The following WDR47 variants were observed in gnomAD, a reference collection of about 807,000 sequenced individuals.
The protein encoded by WDR47 is WD repeat-containing protein 47.
In WDR47, 32 loss-of-function variants were observed where a neutral mutation model predicts 97.2. The observed-to-expected ratio is 0.33, with a 90% CI of 0.25 to 0.44. The LOEUF is 0.44. Ranked by LOEUF, WDR47 falls within the 20% of genes least tolerant of loss-of-function variation. The pLI is 1.00. For synonymous variants in WDR47, 375 were observed against 373.5 expected (o/e 1.00, Z -0.05); for missense variants, 782 against 1,102.3 (o/e 0.71, Z 4.11).
intron 5 of WDR47, among the ~76,000 whole-genome samples, chr1:109,010,605 C>CG (rs1660971033): frequency 8.4e-6 from 1 of 119,158 alleles, no homozygotes; most frequent in South Asian, 2.7e-4. Flanking sequence ...TTTTTTGAGT[C>CG]GGAGTCTCAC....
At chr1:109,016,360 C>T (rs542612097) in intron 3 of WDR47, among the ~76,000 whole-genome samples, 1 of 152,096 alleles carries the variant, frequency 6.6e-6, no homozygotes, top group African/African-American at 2.4e-5. Context: ...TGTGTTCACA[C>T]CACTGCACTC....
chr1:108,992,385 C>T, intron 8 of WDR47: 1 of 1,540,588 alleles, frequency 6.5e-7, no homozygotes, highest in Non-Finnish European at 9.0e-7. Flanking sequence ...ACTGCTCAGG[C>T]CATCAAGGGT....
intron 9 of WDR47, 175 bp from the exon 10 acceptor site, chr1:108,986,855 T>TA (rs1658869474): frequency 1.8e-6 from 1 of 545,882 alleles, no homozygotes; most frequent in African/African-American, 1.9e-5. Context: ...TAAATCTTAC[T>TA]AATATCCTTT....
chr1:109,005,100 T>A (rs1660496425), intron 5 of WDR47, among the ~76,000 whole-genome samples: 1 of 152,038 alleles, frequency 6.6e-6, no homozygotes, highest in South Asian at 2.1e-4. Flanking sequence ...CCAAGAAATT[T>A]TAATTTTAAA....
At chr1:109,041,272 T>C (rs557721910) in intron 1 of WDR47, among the ~76,000 whole-genome samples, 38 of 152,108 alleles carry the variant, frequency 2.5e-4, no homozygotes, top group Non-Finnish European at 5.0e-4. Flanking sequence ...GCAATCCCAG[T>C]TCTAAATCGA....
chr1:109,037,664 A>G (rs1663056420), intron 1 of WDR47, among the ~76,000 whole-genome samples: 1 of 151,796 alleles, frequency 6.6e-6, no homozygotes. Flanking sequence ...AATTCTATAA[A>G]ATTTTCTCAA....
intron 2 of WDR47, among the ~76,000 whole-genome samples, chr1:109,021,484 T>C (rs1661833460): frequency 7.0e-6 from 1 of 142,176 alleles, no homozygotes; most frequent in Admixed American, 7.5e-5. Context: ...GCTGAGATCA[T>C]GCCACTGCAC....
At chr1:109,009,866 CG>C (rs1377492294) in intron 5 of WDR47, among the ~76,000 whole-genome samples, 2 of 151,844 alleles carry the variant, frequency 1.3e-5, no homozygotes, top group Non-Finnish European at 2.9e-5. Context: ...GGCGTGGTGG[CG>C]GGTGTTTGCA....
chr1:108,992,946 T>C (rs1047272961), intron 8 of WDR47: 27 of 815,492 alleles, frequency 3.3e-5, no homozygotes, highest in Non-Finnish European at 5.0e-5. Context: ...AGAACTTAAG[T>C]TTCCAACTTA....
intron 4 of WDR47, among the ~76,000 whole-genome samples, chr1:109,012,002 G>T (rs1661063983): frequency 6.6e-6 from 1 of 152,028 alleles, no homozygotes; most frequent in Non-Finnish European, 1.5e-5. Context: ...GGAGTGCAGG[G>T]GTTATTCATA....
intron 13 of WDR47, among the ~76,000 whole-genome samples, chr1:108,975,211 T>C (rs1183854128): frequency 6.6e-6 from 1 of 152,166 alleles, no homozygotes; most frequent in African/African-American, 2.4e-5. Context: ...CAATAGGAAC[T>C]GTGAACAGAA....
intron 1 of WDR47, among the ~76,000 whole-genome samples, chr1:109,024,214 G>A (rs1662046694): frequency 6.6e-6 from 1 of 152,192 alleles, no homozygotes; most frequent in Non-Finnish European, 1.5e-5. Flanking sequence ...TACTTTGGGA[G>A]GCCAAAGTGG....
At chr1:108,999,053 C>A (rs937654650) in intron 7 of WDR47, among the ~76,000 whole-genome samples, 1 of 151,914 alleles carries the variant, frequency 6.6e-6, no homozygotes, top group Non-Finnish European at 1.5e-5. Flanking sequence ...TGGTGAAAGC[C>A]TGTCTCTACT....
intron 5 of WDR47, among the ~76,000 whole-genome samples, chr1:109,006,570 C>T (rs17566228): frequency 0.056 from 8,558 of 152,258 alleles, 269 homozygotes; most frequent in Non-Finnish European, 0.062. Flanking sequence ...GTATACAGAA[C>T]TTCCATATGC....
intron 8 of WDR47, among the ~76,000 whole-genome samples, chr1:108,994,148 AG>A (rs1255748306): frequency 3.3e-5 from 5 of 152,194 alleles, no homozygotes; most frequent in African/African-American, 9.7e-5. Flanking sequence ...CTGTAACTCC[AG>A]CACTTTGGGA....
At chr1:108,995,477 A>G (rs1659673902) in intron 8 of WDR47, 103 bp downstream of exon 8, 2 of 1,391,138 alleles carry the variant, frequency 1.4e-6, no homozygotes, top group Non-Finnish European at 2.0e-6. Flanking sequence ...GGTAGGCAGT[A>G]AGCTCTAAAA....
intron 5 of WDR47, among the ~76,000 whole-genome samples, chr1:109,008,666 G>T (rs1004445349): frequency 2.0e-5 from 3 of 152,112 alleles, no homozygotes; most frequent in Non-Finnish European, 2.9e-5. Flanking sequence ...GGAGTGCAGT[G>T]GTGCGATCTA....
chr1:109,042,101 G>A lies in WDR47; in HGVS notation c.-249C>T, dbSNP rs185080198. 1 of 152,058 alleles carries A rather than the reference G, an allele frequency of 6.6e-6. No individual in the cohort carries two copies. The highest frequency in any genetic ancestry group is 6.5e-5 in the Admixed American group (1 of 15,284). 9.4% of individuals were successfully genotyped at this position (152,058 alleles called of 1,614,324 possible). ...TCCTCAGCTCAGCCTCTTGCAGACT[G>A]CGGTTGTCAAGTGCCGGGGAGCCGA... On this transcript the variant is annotated 5_prime_UTR_variant, in exon 1 of 15. Coordinates refer to ENST00000369962, the MANE Select transcript of WDR47 (RefSeq NM_001142551.2).
At chr1:109,013,728 C>T (rs1204316488) in intron 4 of WDR47, 113 bp downstream of exon 4, 3 of 1,079,640 alleles carry the variant, frequency 2.8e-6, no homozygotes, top group Non-Finnish European at 4.1e-6. Context: ...TTGCCCCATC[C>T]CAGCTCATAA....
Sources: allele counts gnomAD v4.1 joint callset (sites outside exome capture counted in the v4.1 genomes callset), GRCh38; gene constraint gnomAD v4.1.1; transcripts MANE v1.5; gene names NCBI Gene and HGNC (gene_info 2026-07-23, HGNC 2026-07-21).